The following CHN2 variants were observed in gnomAD, a reference collection of about 807,000 sequenced individuals.
The protein encoded by CHN2 is chimerin 2.
A neutral mutation model predicts 56.3 loss-of-function variants in CHN2; 35 were observed. The ratio of observed to expected loss-of-function variants is 0.62; its 90% CI spans 0.47 to 0.82. The LOEUF is 0.82. Among genes scored for constraint, CHN2 ranks in the 40% least tolerant of loss-of-function variants. The pLI, the probability that CHN2 is intolerant of heterozygous loss-of-function variation, is 0.00. For missense variants in CHN2, 491 were observed against 580.5 expected (o/e 0.85, Z 1.58); for synonymous variants, 210 against 212.8 (o/e 0.99, Z 0.12).
At chr7:29,204,067 CTGTGTGTGTGTGTGTGTG>C (rs55930139) in intron 1 of CHN2, among the ~76,000 whole-genome samples, 34 of 128,854 alleles carry the variant, frequency 2.6e-4, no homozygotes, top group African/African-American at 7.6e-4. Flanking sequence ...TTCTCTCTCT[CTGTGTGTGTGTGTGTGTG>C]TGTGTGTGTG....
chr7:29,349,846 C>G (rs1040785262), intron 1 of CHN2, among the ~76,000 whole-genome samples: 2 of 152,134 alleles, frequency 1.3e-5, no homozygotes, highest in Non-Finnish European at 2.9e-5. Context: ...TCTACTTCCT[C>G]CCCTTTCGTT....
intron 1 of CHN2, among the ~76,000 whole-genome samples, chr7:29,245,217 G>A (rs928609007): frequency 1.3e-5 from 2 of 152,108 alleles, no homozygotes; most frequent in South Asian, 2.1e-4. Flanking sequence ...TTTTTCAAGC[G>A]GTCCTTAACT....
chr7:29,363,714 A>T (rs556007981), intron 2 of CHN2, among the ~76,000 whole-genome samples: 7 of 152,272 alleles, frequency 4.6e-5, no homozygotes, highest in Non-Finnish European at 8.8e-5. Flanking sequence ...GAACAGAGGG[A>T]TAGGGTGGAA....
intron 2 of CHN2, among the ~76,000 whole-genome samples, chr7:29,164,177 T>C (rs978208206): frequency 1.2e-4 from 19 of 152,222 alleles, no homozygotes; most frequent in African/African-American, 4.1e-4. Context: ...TTGTGTCTTT[T>C]TGATTATTGC....
chr7:29,404,392 G>A (rs2128089000), intron 6 of CHN2, among the ~76,000 whole-genome samples: 1 of 152,194 alleles, frequency 6.6e-6, no homozygotes, highest in South Asian at 2.1e-4. Flanking sequence ...TTTTAGTGGG[G>A]AAAAAATGAT....
At chr7:29,189,873 G>A (rs1782670623), upstream of CHN2, among the ~76,000 whole-genome samples, 1 of 152,182 alleles carries the variant, frequency 6.6e-6, no homozygotes, top group Admixed American at 6.5e-5. Context: ...GAATACCTGT[G>A]CCTGCGTCGT....
chr7:29,413,889 TTC>T (rs914956558), intron 6 of CHN2, among the ~76,000 whole-genome samples: 1 of 152,348 alleles, frequency 6.6e-6, no homozygotes, highest in Middle Eastern at 3.4e-3. Flanking sequence ...TGTGGCTTGA[TTC>T]TAATCGTCTT....
At chr7:29,375,101 G>T (rs530270231) in intron 3 of CHN2, among the ~76,000 whole-genome samples, 1 of 149,988 alleles carries the variant, frequency 6.7e-6, no homozygotes, top group Non-Finnish European at 1.5e-5. Flanking sequence ...TATTGGTCAG[G>T]CGGGTCTTGA....
chr7:29,441,323 A>G (rs147210343), intron 6 of CHN2, among the ~76,000 whole-genome samples: 1 of 152,266 alleles, frequency 6.6e-6, no homozygotes, highest in African/African-American at 2.4e-5. Context: ...ATGGATCAAC[A>G]ACCTAATATT....
At chr7:29,230,421 G>C (rs1786581828) in intron 1 of CHN2, among the ~76,000 whole-genome samples, 2 of 152,126 alleles carry the variant, frequency 1.3e-5, no homozygotes, top group Admixed American at 1.3e-4. Flanking sequence ...GCTCACTGCA[G>C]CCTGTGCCTC....
In CHN2 at chr7:29,402,131, G is replaced by A. The variant is rs145854640; in HGVS notation, c.576+1303G>A. Among the ~76,000 whole-genome samples, 903 of 152,248 alleles carry A rather than the reference G, an allele frequency of 5.9e-3. 11 individuals are homozygous for A. Among genetic ancestry groups the A allele is most frequent in the African/African-American group, 0.02 (847 of 41,550 alleles). On this transcript the variant is annotated intron_variant, in intron 6 of 12. Coordinates refer to ENST00000222792, the MANE Select transcript of CHN2 (RefSeq NM_004067.4). ...AAAGGAGCCTCGGGCTGATGGATTC[G>A]GGACTGGCATTGGCAGAGGGGCTTC... is the stretch of plus-strand genomic sequence containing the variant.
At chr7:29,397,652 T>G (rs1801861476) in intron 4 of CHN2, 1 of 152,132 alleles carries the variant, frequency 6.6e-6, no homozygotes, top group South Asian at 2.1e-4. Context: ...CTCTCCCTAT[T>G]CCTCTGTGGA....
At chr7:29,478,034 A>G (rs1786748472) in intron 6 of CHN2, among the ~76,000 whole-genome samples, 1 of 152,238 alleles carries the variant, frequency 6.6e-6, no homozygotes, top group African/African-American at 2.4e-5. Flanking sequence ...TCACTATAAT[A>G]CAAGACAGAA....
intron 6 of CHN2, among the ~76,000 whole-genome samples, chr7:29,446,603 C>T (rs1470360711): frequency 6.6e-6 from 1 of 152,092 alleles, no homozygotes; most frequent in Admixed American, 6.6e-5. Flanking sequence ...GGTCCAGCAG[C>T]TAGAGTTCAC....
At chr7:29,401,931 C>T (rs924408539) in intron 6 of CHN2, among the ~76,000 whole-genome samples, 5 of 152,196 alleles carry the variant, frequency 3.3e-5, no homozygotes, top group Admixed American at 6.5e-5. Context: ...CAGCCAGCCA[C>T]GCCAATCAGC....
chr7:29,166,897 T>A (rs1329679264), intron 2 of CHN2, among the ~76,000 whole-genome samples: 1 of 152,148 alleles, frequency 6.6e-6, no homozygotes, highest in African/African-American at 2.4e-5. Context: ...TCTTTTAATG[T>A]CCTTGACTAC....
At chr7:29,388,567 G>A (rs925928113) in intron 3 of CHN2, among the ~76,000 whole-genome samples, 1 of 152,172 alleles carries the variant, frequency 6.6e-6, no homozygotes, top group Non-Finnish European at 1.5e-5. Flanking sequence ...AAACTGAGGA[G>A]TATAGAAATA....
chr7:29,235,149 T>A (rs913625644), intron 1 of CHN2, among the ~76,000 whole-genome samples: 2 of 152,142 alleles, frequency 1.3e-5, no homozygotes, highest in Admixed American at 1.3e-4. Flanking sequence ...GACAAAGGTC[T>A]AATATCCAGA....
intron 2 of CHN2, among the ~76,000 whole-genome samples, chr7:29,158,366 A>G (rs118169092): frequency 6.6e-6 from 1 of 152,368 alleles, no homozygotes; most frequent in East Asian, 1.9e-4. Flanking sequence ...ATTAAATCAG[A>G]TGATGTGACT....
Sources: gnomAD v4.1 joint callset for allele counts (sites outside exome capture counted in the v4.1 genomes callset) on GRCh38, gnomAD v4.1.1 for gene constraint, MANE v1.5 for transcripts, NCBI Gene and HGNC (gene_info 2026-07-23, HGNC 2026-07-21) for gene names.